Variants in ACVR1B observed in about 807,000 individuals in gnomAD.
The protein encoded by ACVR1B is activin A receptor type 1B, also known as activin receptor type-1B.
ACVR1B carries 15 observed loss-of-function variants against 55.6 expected under a neutral mutation model. The observed-to-expected ratio is 0.27, with a 90% confidence interval of 0.18 to 0.42. ACVR1B has a LOEUF of 0.42. ACVR1B is among the 10% of genes least tolerant of loss of function. ACVR1B has a pLI of 1.00. For missense variants in ACVR1B, 359 were observed against 670.1 expected, an observed-to-expected ratio of 0.54 and a Z score of 5.13; for synonymous variants, 247 against 254.6, an observed-to-expected ratio of 0.97 and a Z score of 0.28.
At chr12:51,956,501 T>C (rs1420818024) in intron 1 of ACVR1B, among the ~76,000 whole-genome samples, 7 of 152,164 alleles carry the variant, frequency 4.6e-5, no homozygotes, top group Non-Finnish European at 8.8e-5. Context: ...AGTCCATGAG[T>C]GCTGTGAAGA....
chr12:51,966,105 A>T (rs1418842615), intron 1 of ACVR1B, among the ~76,000 whole-genome samples: 1 of 152,192 alleles, frequency 6.6e-6, no homozygotes, highest in Non-Finnish European at 1.5e-5. Context: ...ACATCACAAA[A>T]AGAGACAACT....
chr12:51,978,997 C>T (rs1941923952), intron 3 of ACVR1B, among the ~76,000 whole-genome samples: 1 of 149,776 alleles, frequency 6.7e-6, no homozygotes, highest in Non-Finnish European at 1.5e-5. Flanking sequence ...AACCTCGTCT[C>T]TACTAAATAC....
intron 8 of ACVR1B, among the ~76,000 whole-genome samples, chr12:51,992,581 G>A (rs1007102000): frequency 6.6e-6 from 1 of 152,242 alleles, no homozygotes; most frequent in African/African-American, 2.4e-5. Flanking sequence ...ACCCAGAGCT[G>A]TTAGACACCA....
At position 51,994,011 on chromosome 12, in the gene ACVR1B, G is replaced by A; in HGVS notation, c.1419G>A (p.Met473Ile). 1 of 1,614,098 alleles carries A rather than the reference G, an allele frequency of 6.2e-7. No individual in the cohort carries two copies. The highest frequency in any genetic ancestry group is 2.2e-5 in the East Asian group (1 of 44,870). The change falls in exon 9 of 9, where the codon ATG becomes ATA. Residue 473 changes from methionine to isoleucine, a missense_variant. By Grantham distance (10) the Met-to-Ile change is conservative. Transcript: ENST00000257963. The surrounding 1 kb of genome is among the most constrained non-coding windows in gnomAD (Gnocchi z 4.2). ...CACTGCGGGTGATGGGGAAGATGAT[G>A]CGAGAGTGTTGGTATGCCAACGGCG... ...YEALRVMGKM[M>I]RECWYANGAA...
At chr12:51,953,635 ATT>A in intron 1 of ACVR1B, 4 of 678,914 alleles carry the variant, frequency 5.9e-6, no homozygotes, top group Non-Finnish European at 5.4e-6. Context: ...TAGGTTTGTC[ATT>A]TTATGTGTGT....
chr12:51,953,386 T>G (rs1307010236), intron 1 of ACVR1B: 1 of 985,320 alleles, frequency 1.0e-6, no homozygotes, highest in Non-Finnish European at 1.2e-6. Context: ...GGCTAATGCT[T>G]CTCCTAAGCA....
rs1393111013 is a variant in ACVR1B at position 51,975,386 on chromosome 12, C to G, written c.213C>G (p.Pro71=). The change falls in exon 2 of 9, where the codon CCC becomes CCG. Residue 71 remains proline (P), a synonymous_variant. Transcript: ENST00000257963. ...AGCACCATGTGCGCACCTGCATCCCCAAAGTGGAGCTGGTCCCTGCCGGGA... is the reference window on the plus strand; with the variant it reads ...AGCACCATGTGCGCACCTGCATCCCGAAAGTGGAGCTGGTCCCTGCCGGGA... The part of the protein sequence containing the change: ...GMEHHVRTCI[P]KVELVPAGKP... 2 of 1,614,172 alleles carry G rather than the reference C, an allele frequency of 1.2e-6. No individual in the cohort carries two copies. Among genetic ancestry groups the G allele is most frequent in the Non-Finnish European group, 1.7e-6 (2 of 1,180,036 alleles).
intron 3 of ACVR1B, among the ~76,000 whole-genome samples, chr12:51,976,875 C>G (rs1941869437): frequency 6.6e-6 from 1 of 152,226 alleles, no homozygotes; most frequent in East Asian, 1.9e-4. Flanking sequence ...GCTGGTCCCA[C>G]CTGAGCAGTG....
chr12:51,953,284 G>A, intron 1 of ACVR1B: 1 of 944,894 alleles, frequency 1.1e-6, no homozygotes. Flanking sequence ...AAGACACCAT[G>A]CCACTTTGGA....
chr12:51,961,056 C>T (rs918001424), intron 1 of ACVR1B, among the ~76,000 whole-genome samples: 2 of 106,194 alleles, frequency 1.9e-5, no homozygotes, highest in African/African-American at 5.7e-5. Flanking sequence ...CCCCACTTCT[C>T]TTCCTAGCCA....
At chr12:51,982,619 A>T in intron 4 of ACVR1B, 2 of 1,429,680 alleles carry the variant, frequency 1.4e-6, no homozygotes, top group East Asian at 2.7e-5. Flanking sequence ...GGCATGGTGC[A>T]ATTTAGAAGT....
In ACVR1B at chr12:51,995,333, A is replaced by G. The variant is rs1942279268; in HGVS notation, c.*1223A>G. The G allele has an allele frequency of 6.6e-6, 1 of 152,152 alleles. No homozygotes were observed. The highest frequency in any genetic ancestry group is 2.4e-5 in the African/African-American group (1 of 41,412). The allele number at this position is 152,152 out of a possible 1,614,324, so 9.4% of individuals were successfully genotyped here. ...TCTGGGGTGGGAGGGAGGCATCTGC[A>G]TGGGTCTTCTTTTACTGGACTGTCT... On this transcript the variant is annotated 3_prime_UTR_variant, in exon 9 of 9. Transcript: ENST00000257963.
rs768200138 is a variant in ACVR1B, at chr12:51,991,873, A to G, written c.1272A>G (p.Glu424=). Residue 424 remains glutamate, a synonymous_variant, in exon 8 of 9, where the codon GAA becomes GAG. Transcript: ENST00000257963. The part of the protein sequence containing the change: ...ARRCNSGGVH[E]EYQLPYYDLV... ...TTTCTTTTCTCCCAGGAGTCCATGA[A>G]GAATATCAGCTGCCATATTACGACT... The G allele has an allele frequency of 5.6e-6, 9 of 1,613,278 alleles. No individual in the cohort carries two copies. In the East Asian group the frequency reaches 1.8e-4, roughly 32 times the overall value.
At chr12:51,986,780 AT>A in intron 6 of ACVR1B, 37 bp from the exon 7 acceptor site, 1 of 1,583,550 alleles carries the variant, frequency 6.3e-7, no homozygotes, top group African/African-American at 1.4e-5. Context: ...AGCAGTCATC[AT>A]TTTCTGTGCG....
chr12:51,985,129 T>A, intron 5 of ACVR1B, 63 bp from the exon 6 acceptor site: 1 of 1,510,524 alleles, frequency 6.6e-7, no homozygotes, highest in Non-Finnish European at 8.9e-7. Context: ...TCTGGCTGCA[T>A]AGTCTATGCT....
chr12:51,965,452 G>A (rs1837500082), intron 1 of ACVR1B, among the ~76,000 whole-genome samples: 1 of 152,184 alleles, frequency 6.6e-6, no homozygotes, highest in Non-Finnish European at 1.5e-5. Flanking sequence ...TGAAATATTA[G>A]AATTGAAATG....
chr12:51,992,156 A>G, intron 8 of ACVR1B, 163 bp downstream of exon 8: 2 of 906,828 alleles, frequency 2.2e-6, no homozygotes, highest in Non-Finnish European at 3.3e-6. Flanking sequence ...TTAGGGCTAC[A>G]GTCTCTTGTC....
intron 7 of ACVR1B, chr12:51,987,852 A>G (rs1942111640): frequency 6.6e-6 from 1 of 152,352 alleles, no homozygotes; most frequent in South Asian, 2.1e-4. Context: ...ATATAATTAG[A>G]TTGTTTGTAA....
intron 1 of ACVR1B, 99 bp from the exon 2 acceptor site, chr12:51,975,166 G>A: frequency 1.3e-6 from 2 of 1,500,158 alleles, no homozygotes; most frequent in African/African-American, 2.8e-5. Context: ...AACTGTTTTG[G>A]AACATCAAGT....
Sources: allele counts gnomAD v4.1 joint callset (sites outside exome capture counted in the v4.1 genomes callset), GRCh38; gene constraint gnomAD v4.1.1; non-coding constraint Gnocchi (gnomAD v3.1); transcripts MANE v1.5; gene names NCBI Gene and HGNC (gene_info 2026-07-23, HGNC 2026-07-21).